The following LOC400499 variants were observed in gnomAD, a reference collection of about 807,000 sequenced individuals.
chr16:11,390,200 G>A, the LOC400499 span: 11 of 1,232,326 alleles, frequency 8.9e-6, no homozygotes, highest in South Asian at 4.1e-5. Context: ...TCTGTTGGGC[G>A]GCCTGGAGAG....
the LOC400499 span, chr16:11,401,491 G>A: frequency 5.0e-6 from 2 of 398,944 alleles, no homozygotes; most frequent in African/African-American, 2.1e-5. Flanking sequence ...CTTCTCCATC[G>A]AGGTCAAGGC....
chr16:11,438,538 A>G, the LOC400499 span, among the ~76,000 whole-genome samples: 1 of 149,074 alleles, frequency 6.7e-6, no homozygotes, highest in Non-Finnish European at 1.5e-5. Context: ...TGGGAGGCCA[A>G]GGGAAGAGGA....
At chr16:11,384,379 A>C in the LOC400499 span, 2 of 1,019,002 alleles carry the variant, frequency 2.0e-6, no homozygotes, top group Non-Finnish European at 2.5e-6. Flanking sequence ...ATCCTCCCCC[A>C]GCCCCAGCCC....
the LOC400499 span, among the ~76,000 whole-genome samples, chr16:11,449,488 G>A: frequency 1.3e-5 from 2 of 152,168 alleles, no homozygotes; most frequent in Non-Finnish European, 2.9e-5. Flanking sequence ...GGAGTCCTAG[G>A]AAGAGGTGGG....
At chr16:11,447,397 C>T in the LOC400499 span, among the ~76,000 whole-genome samples, 5 of 152,180 alleles carry the variant, frequency 3.3e-5, no homozygotes, top group East Asian at 1.9e-4. Context: ...TCTGACATTC[C>T]GGTTCTCTGC....
the LOC400499 span, chr16:11,401,552 C>T: frequency 5.0e-6 from 2 of 398,024 alleles, no homozygotes; most frequent in Non-Finnish European, 8.8e-6. Context: ...TGTGCAAGGC[C>T]CTCGGAGAGC....
the LOC400499 span, among the ~76,000 whole-genome samples, chr16:11,388,862 A>C: frequency 1.3e-5 from 2 of 152,132 alleles, no homozygotes. Context: ...TTGAGAGGCC[A>C]AGTTGCTTGA....
chr16:11,509,407 C>T, the LOC400499 span, among the ~76,000 whole-genome samples: 1 of 151,192 alleles, frequency 6.6e-6, no homozygotes, highest in East Asian at 2.0e-4. Flanking sequence ...CGTGAGCCAC[C>T]ATGCCCAGCC....
the LOC400499 span, among the ~76,000 whole-genome samples, chr16:11,494,423 G>C: frequency 9.2e-5 from 14 of 151,818 alleles, no homozygotes; most frequent in African/African-American, 3.4e-4. Flanking sequence ...AGGGTGAGGA[G>C]ACGGGTTGAA....
At chr16:11,446,460 G>T in the LOC400499 span, 4 of 1,238,392 alleles carry the variant, frequency 3.2e-6, no homozygotes, top group Non-Finnish European at 4.5e-6. Context: ...ACTCAGTCCA[G>T]ATAACATGTT....
At chr16:11,496,040 G>C in the LOC400499 span, among the ~76,000 whole-genome samples, 2 of 150,750 alleles carry the variant, frequency 1.3e-5, no homozygotes, top group African/African-American at 2.4e-5. Flanking sequence ...CAGCTGTGGA[G>C]AAATAAAATC....
the LOC400499 span, chr16:11,488,681 G>C: frequency 2.5e-6 from 1 of 398,844 alleles, no homozygotes; most frequent in Non-Finnish European, 4.4e-6. Context: ...TTCCAGAGCA[G>C]GACAGGGGCT....
At chr16:11,452,117 G>C in the LOC400499 span, among the ~76,000 whole-genome samples, 1 of 151,220 alleles carries the variant, frequency 6.6e-6, no homozygotes, top group Non-Finnish European at 1.5e-5. Context: ...AGGTGATAAA[G>C]ATCTTATTTC....
At chr16:11,441,523 C>CA in the LOC400499 span, among the ~76,000 whole-genome samples, 323 of 152,322 alleles carry the variant, frequency 2.1e-3, 2 homozygotes, top group African/African-American at 7.6e-3. Context: ...GAAGAACACT[C>CA]ATTGCACGAT....
At chr16:11,446,370 T>G in the LOC400499 span, among the ~76,000 whole-genome samples, 2 of 152,094 alleles carry the variant, frequency 1.3e-5, no homozygotes, top group African/African-American at 4.8e-5. Context: ...GTCGCCCAGA[T>G]GGATCTCAAA....
At chr16:11,464,519 G>A in the LOC400499 span, among the ~76,000 whole-genome samples, 2 of 152,190 alleles carry the variant, frequency 1.3e-5, no homozygotes, top group African/African-American at 4.8e-5. Context: ...TAGCAGGAGG[G>A]GGCACTGAAC....
At chr16:11,407,761 C>G in the LOC400499 span, among the ~76,000 whole-genome samples, 1 of 152,102 alleles carries the variant, frequency 6.6e-6, no homozygotes, top group Non-Finnish European at 1.5e-5. Context: ...CCAGCTAGTT[C>G]CTTAACCACC....
chr16:11,388,512 CTG>C, the LOC400499 span, among the ~76,000 whole-genome samples: 11 of 152,206 alleles, frequency 7.2e-5, no homozygotes, highest in Non-Finnish European at 1.3e-4. Flanking sequence ...AGCTGCCTCC[CTG>C]CTTGGAGCCC....
chr16:11,474,549 T>A, the LOC400499 span, among the ~76,000 whole-genome samples: 1 of 152,150 alleles, frequency 6.6e-6, no homozygotes, highest in African/African-American at 2.4e-5. Flanking sequence ...GCATTATCAT[T>A]GACTGAAGTG....
Sources: gnomAD v4.1 joint callset for allele counts (sites outside exome capture counted in the v4.1 genomes callset) on GRCh38, gnomAD v4.1.1 for gene constraint, MANE v1.5 for transcripts.